EXOC6B: variants seen among roughly 807,000 people sequenced by gnomAD.
EXOC6B encodes SEC15 homolog B.
EXOC6B carries 54 observed loss-of-function variants against 113.5 expected under a neutral mutation model. The observed-to-expected ratio is 0.48, with a 90% CI of 0.38 to 0.60. EXOC6B has a LOEUF of 0.60. Among genes scored for constraint, EXOC6B ranks in the 20% least tolerant of loss-of-function variants. The pLI is 0.00. For missense variants in EXOC6B, 797 were observed against 977.5 expected, an observed-to-expected ratio of 0.82 and a Z score of 2.46; for synonymous variants, 357 against 339.0, an observed-to-expected ratio of 1.05 and a Z score of -0.58.
chr2:72,409,383 T>C (rs986286713), intron 18 of EXOC6B, among the ~76,000 whole-genome samples: 2 of 152,152 alleles, frequency 1.3e-5, no homozygotes, highest in African/African-American at 4.8e-5. Flanking sequence ...ACCCAAAGGA[T>C]TACAAATCAT....
At chr2:72,399,090 A>T (rs2105148953) in intron 18 of EXOC6B, among the ~76,000 whole-genome samples, 1 of 152,244 alleles carries the variant, frequency 6.6e-6, no homozygotes, top group South Asian at 2.1e-4. Context: ...ATCCAGCAAC[A>T]CATCAAAAAT....
Position 72,480,731 on chromosome 2 carries a change from T to C in EXOC6B, c.1685A>G (p.Asn562Ser), listed in dbSNP as rs1398364429. 3 of 1,600,754 alleles carry C rather than the reference T, an allele frequency of 1.9e-6. No individual in the cohort carries two copies. Among genetic ancestry groups the C allele is most frequent in the Non-Finnish European group, 1.7e-6 (2 of 1,172,744 alleles). ...GLTELVQIII[N>S]TTHLEKSCKY... ...ACAGGATTTCTCCAAATGTGTTGTA[T>C]TGATAATAATCTGAACAAGCTAGAA... is the stretch of plus-strand genomic sequence containing the variant. Residue 562 changes from asparagine to serine, a missense_variant, in exon 17 of 22, where the codon AAT becomes AGT. Asn to Ser is a conservative substitution (Grantham distance 46). Transcript: ENST00000272427.
At chr2:72,607,973 G>A (rs1670852273) in intron 6 of EXOC6B, among the ~76,000 whole-genome samples, 1 of 151,934 alleles carries the variant, frequency 6.6e-6, no homozygotes, top group African/African-American at 2.4e-5. Flanking sequence ...AAACAAATGG[G>A]ATATTATTTG....
chr2:72,475,186 T>C (rs1400191843), intron 17 of EXOC6B, among the ~76,000 whole-genome samples: 1 of 152,062 alleles, frequency 6.6e-6, no homozygotes, highest in Admixed American at 6.5e-5. Flanking sequence ...TCTGGCACCA[T>C]TGTTAGTGAG....
intron 20 of EXOC6B, among the ~76,000 whole-genome samples, chr2:72,283,283 A>G (rs1400822155): frequency 6.6e-6 from 1 of 152,166 alleles, no homozygotes; most frequent in Admixed American, 6.6e-5. Context: ...TCTGTATGAG[A>G]GGAGCTTGGA....
chr2:72,450,908 G>A (rs1696872912), intron 18 of EXOC6B, among the ~76,000 whole-genome samples: 1 of 152,146 alleles, frequency 6.6e-6, no homozygotes, highest in Non-Finnish European at 1.5e-5. Context: ...AGGGAGCCAG[G>A]TTCCACCAGG....
At chr2:72,810,336 A>AAAAT (rs150111513) in intron 1 of EXOC6B, among the ~76,000 whole-genome samples, 2,236 of 140,292 alleles carry the variant, frequency 0.016, 37 homozygotes, top group African/African-American at 0.025. Context: ...CCTTGTCTCT[A>AAAAT]AAATAAATAA....
intron 6 of EXOC6B, among the ~76,000 whole-genome samples, chr2:72,625,118 C>T (rs1573508465): frequency 6.6e-6 from 1 of 150,662 alleles, no homozygotes; most frequent in South Asian, 2.1e-4. Flanking sequence ...GGCAGAATCT[C>T]GCTATATTGT....
chr2:72,197,007 G>T (rs1679214909), intron 20 of EXOC6B, among the ~76,000 whole-genome samples: 1 of 152,104 alleles, frequency 6.6e-6, no homozygotes, highest in Admixed American at 6.5e-5. Flanking sequence ...CAAAAAGTTG[G>T]GCATGATTTA....
intron 5 of EXOC6B, among the ~76,000 whole-genome samples, chr2:72,728,334 A>T (rs1308492765): frequency 6.6e-6 from 1 of 152,172 alleles, no homozygotes; most frequent in African/African-American, 2.4e-5. Context: ...ACTAATCCCT[A>T]TGATATCATT....
intron 20 of EXOC6B, among the ~76,000 whole-genome samples, chr2:72,314,895 T>A (rs1687421235): frequency 6.6e-6 from 1 of 152,164 alleles, no homozygotes; most frequent in African/African-American, 2.4e-5. Flanking sequence ...TTCCAGGCAC[T>A]AAGAATAAAG....
intron 6 of EXOC6B, among the ~76,000 whole-genome samples, chr2:72,651,921 T>C (rs1294549441): frequency 6.6e-6 from 1 of 152,144 alleles, no homozygotes. Context: ...TCCATTCGAT[T>C]GAAAGAGAAG....
intron 6 of EXOC6B, among the ~76,000 whole-genome samples, chr2:72,651,759 C>A (rs1221667347): frequency 6.6e-6 from 1 of 152,090 alleles, no homozygotes; most frequent in Admixed American, 6.6e-5. Context: ...CCACGCCTGG[C>A]TAATTTTTTG....
intron 6 of EXOC6B, among the ~76,000 whole-genome samples, chr2:72,717,361 A>G (rs1236429714): frequency 3.9e-5 from 6 of 152,184 alleles, no homozygotes. Context: ...TACAGAACCA[A>G]AAAGTACTTT....
chr2:72,822,772 T>C (rs1686652927), intron 1 of EXOC6B, among the ~76,000 whole-genome samples: 2 of 152,274 alleles, frequency 1.3e-5, no homozygotes, highest in Non-Finnish European at 1.5e-5. Context: ...CAGTTAAGAA[T>C]CTGGTGCCTT....
chr2:72,201,735 C>T (rs963353816), intron 20 of EXOC6B, among the ~76,000 whole-genome samples: 1 of 152,196 alleles, frequency 6.6e-6, no homozygotes, highest in African/African-American at 2.4e-5. Context: ...ATCAGCAAGT[C>T]TCTATAAGAT....
intron 18 of EXOC6B, among the ~76,000 whole-genome samples, chr2:72,421,745 G>C (rs559636646): frequency 6.6e-6 from 1 of 152,220 alleles, no homozygotes; most frequent in African/African-American, 2.4e-5. Flanking sequence ...GGAGCCCTTC[G>C]GCCCGCCGCT....
At chr2:72,468,195 G>A (rs954481257) in intron 17 of EXOC6B, among the ~76,000 whole-genome samples, 1 of 151,710 alleles carries the variant, frequency 6.6e-6, no homozygotes, top group Admixed American at 6.6e-5. Flanking sequence ...TGCTTTTGGG[G>A]TCATAGCTTA....
intron 6 of EXOC6B, among the ~76,000 whole-genome samples, 186 bp downstream of exon 6, chr2:72,717,917 T>C (rs1054977826): frequency 6.6e-6 from 1 of 152,186 alleles, no homozygotes; most frequent in Non-Finnish European, 1.5e-5. Flanking sequence ...ACAGAGCAAA[T>C]TGTCCATTGC....
Sources: gnomAD v4.1 joint callset for allele counts (sites outside exome capture counted in the v4.1 genomes callset) on GRCh38, gnomAD v4.1.1 for gene constraint, MANE v1.5 for transcripts, NCBI Gene and HGNC (gene_info 2026-07-23, HGNC 2026-07-21) for gene names.